DNAH5: variants seen among roughly 807,000 people sequenced by gnomAD.
DNAH5 encodes dynein axonemal heavy chain 5.
DNAH5 carries 372 observed loss-of-function variants against 518.2 expected under a neutral mutation model. The observed-to-expected ratio is 0.72, with a 90% CI of 0.66 to 0.78. DNAH5 has a LOEUF of 0.78. Ranked by LOEUF, DNAH5 falls within the 30% of genes least tolerant of loss-of-function variation. The pLI, the probability that DNAH5 is intolerant of heterozygous loss-of-function variation, is 0.00. For synonymous variants in DNAH5, 2,039 were observed against 2,025.9 expected (o/e 1.01, Z -0.17); for missense variants, 5,523 against 5,687.0 (o/e 0.97, Z 0.93).
chr5:13,884,940 C>G (rs1561503305), intron 19 of DNAH5, 49 bp downstream of exon 19: 2 of 1,612,952 alleles, frequency 1.2e-6, no homozygotes, highest in Non-Finnish European at 8.5e-7. Context: ...ACACATACCC[C>G]AGCAACTATG....
rs868745747 is a variant in DNAH5 at position 13,753,529 on chromosome 5, C to T, written c.10576G>A (p.Ala3526Thr). Residue 3526 changes from alanine (A) to threonine (T), a missense_variant, in exon 63 of 79, where the codon GCT (alanine) becomes ACT (threonine). Around this residue, in one of 3 missense-constraint regions of DNAH5, gnomAD observed 5,121 missense variants for 5,223.3 expected, o/e 0.98. Transcript: ENST00000265104. ...AATGGACCAGAATAAGATAGAAAAG[C>T]TGTAGCCAACAGTACATCCCCTAAA... ...RLVGDVLLATAFLSYSGPFNQ... is the reference protein window; with the variant it reads ...RLVGDVLLATTFLSYSGPFNQ... 1 of 1,613,788 alleles carries T rather than the reference C, an allele frequency of 6.2e-7. No individual in the cohort carries two copies. Among genetic ancestry groups the T allele is most frequent in the African/African-American group, 1.3e-5 (1 of 75,004 alleles).
intron 1 of DNAH5, among the ~76,000 whole-genome samples, chr5:13,998,530 A>C (rs1285126270): frequency 6.6e-6 from 1 of 152,240 alleles, no homozygotes; most frequent in African/African-American, 2.4e-5. Flanking sequence ...TCTGAAAGCC[A>C]AGCTTCAATA....
chr5:13,871,877 G>C (rs1770159438), intron 22 of DNAH5, 112 bp from the exon 23 acceptor site: 1 of 937,432 alleles, frequency 1.1e-6, no homozygotes, highest in African/African-American at 1.6e-5. Context: ...AAAATGTTTA[G>C]TGAACTGTGT....
At position 13,778,492 on chromosome 5, in the gene DNAH5, AAGGAAGGGAGGG is replaced by A. The variant is rs1481347041; in HGVS notation, c.8952-1149_8952-1138del. 7.0e-4 allele frequency among the ~76,000 whole-genome samples: 41 copies of A among 58,914 alleles called. 3 individuals are homozygous for A. The highest frequency in any genetic ancestry group is 2.1e-3 in the African/African-American group (40 of 19,504). The allele number at this position is 58,914 out of a possible 152,430, so 38.6% of individuals were successfully genotyped here. On this transcript the variant is annotated intron_variant, in intron 53 of 78. Transcript: ENST00000265104. ...GAAGGAAGGAAAGAAGGAAGGAAGG[AAGGAAGGGAGGG>A]AGGGAGGGAGGGGAGAGAAAGTGAG...
intron 30 of DNAH5, among the ~76,000 whole-genome samples, chr5:13,851,281 G>T (rs1404358208): frequency 6.6e-6 from 1 of 152,128 alleles, no homozygotes; most frequent in Non-Finnish European, 1.5e-5. Context: ...AAAATGCACA[G>T]ATTATCTTGA....
rs1742976140 is a variant in DNAH5, at chr5:13,707,672, G to A, written c.13338+451C>T. On this transcript the variant is annotated intron_variant, in intron 76 of 78. Transcript: ENST00000265104. This position sits in a 1 kb window ranked among gnomAD's most constrained non-coding sequence, Gnocchi z 4.0. ...GGAACTCCTCCGATTTCGACAGCAT[G>A]TAGCAGAAACTTTATTTTTTTTTTC... Among the ~76,000 whole-genome samples the A allele has an allele frequency of 6.6e-6, 1 of 151,830 alleles. No individual in the cohort carries two copies. The highest frequency in any genetic ancestry group is 2.1e-4 in the South Asian group (1 of 4,814).
intron 30 of DNAH5, among the ~76,000 whole-genome samples, chr5:13,851,910 G>A (rs1053033064): frequency 6.6e-6 from 1 of 151,968 alleles, no homozygotes; most frequent in African/African-American, 2.4e-5. Context: ...GACAGTGGGT[G>A]CAGCCCACGG....
At chr5:13,870,393 T>C (rs1318766342) in intron 24 of DNAH5, among the ~76,000 whole-genome samples, 2 of 152,086 alleles carry the variant, frequency 1.3e-5, no homozygotes, top group Non-Finnish European at 2.9e-5. Flanking sequence ...GGTAGTCTCC[T>C]TTGCATGAAG....
chr5:13,974,181 G>A (rs1274731088), intron 1 of DNAH5, among the ~76,000 whole-genome samples: 4 of 148,420 alleles, frequency 2.7e-5, no homozygotes. Flanking sequence ...TGTCACCAAG[G>A]TTGGAGTGCA....
intron 46 of DNAH5, 27 bp from the exon 47 acceptor site, chr5:13,807,752 A>G: frequency 1.3e-6 from 2 of 1,584,086 alleles, no homozygotes; most frequent in Non-Finnish European, 1.7e-6. Context: ...TGAAAAAAAA[A>G]GAAATGAAAT....
chr5:13,829,916 G>T, intron 37 of DNAH5, 110 bp downstream of exon 37: 1 of 488,918 alleles, frequency 2.0e-6, no homozygotes, highest in Non-Finnish European at 2.9e-6. Flanking sequence ...AGGAGGTAAA[G>T]TTACAATCCC....
Position 13,811,802 on chromosome 5 carries a change from G to A in DNAH5, c.7252C>T (p.Pro2418Ser). The A allele has an allele frequency of 6.2e-7, 1 of 1,614,136 alleles. No homozygotes were observed. The highest frequency in any genetic ancestry group is 8.5e-7 in the Non-Finnish European group (1 of 1,180,000). The change falls in exon 44 of 79, where the codon CCT becomes TCT. Residue 2418 changes from proline (P) to serine (S), a missense_variant. Around this residue, in one of 3 missense-constraint regions of DNAH5, gnomAD observed 5,121 missense variants for 5,223.3 expected, o/e 0.98. Coordinates refer to ENST00000265104, the MANE Select transcript of DNAH5 (RefSeq NM_001369.3). Reference sequence around the variant, plus strand: ...TGACGAAGAATTTCTGCTTCTTGAGGTGAGCGTTTCTTAAGAAAACCCTGT... The same window carrying A: ...TGACGAAGAATTTCTGCTTCTTGAGATGAGCGTTTCTTAAGAAAACCCTGT... ...ILEGFLKKRS[P>S]QEAEILRQLY... is the part of the protein sequence containing the mutation.
In DNAH5 at chr5:13,922,407, T is replaced by C. The variant is rs1007657994; in HGVS notation, c.439-79A>G. Reference sequence around the variant, plus strand: ...CAACTACTAAGTCATTTCTTAAATGTTGTCACTTTACCAAATACCCAGTAA... The same window carrying C: ...CAACTACTAAGTCATTTCTTAAATGCTGTCACTTTACCAAATACCCAGTAA... On this transcript the variant is annotated intron_variant, in intron 4 of 78. Transcript: ENST00000265104. The C allele has an allele frequency of 1.2e-5, 17 of 1,368,812 alleles. No homozygotes were observed. The East Asian group carries it at 3.7e-4, about 30-fold the overall frequency. 84.8% of individuals were successfully genotyped at this position (1,368,812 alleles called of 1,614,324 possible). A position where few individuals can be genotyped will look rare whatever the true frequency, so the allele number is the denominator to read the frequency against.
intron 53 of DNAH5, among the ~76,000 whole-genome samples, chr5:13,780,603 A>T (rs1754951456): frequency 1.3e-5 from 2 of 152,230 alleles, no homozygotes; most frequent in Admixed American, 1.3e-4. Context: ...AAAAGTAGGG[A>T]GGTGGCTACT....
Position 13,928,155 on chromosome 5 carries a change from A to G in DNAH5, c.216T>C (p.Phe72=). Residue 72 remains phenylalanine (F), a synonymous_variant, in exon 3 of 79, where the codon TTT becomes TTC. Transcript: ENST00000265104. ...TGAGGTGTCGGAGACCTCCAACAGC[A>G]AAAAGTTGATCAATTCTTTCAATCT... ...GNQIERIDQL[F]AVGGLRHLMF... is the part of the protein sequence containing the mutation. The G allele has an allele frequency of 4.3e-6, 7 of 1,613,830 alleles. No individual in the cohort carries two copies. Among genetic ancestry groups the G allele is most frequent in the Non-Finnish European group, 5.9e-6 (7 of 1,179,742 alleles).
At chr5:13,945,382 G>C (rs1581005757), upstream of DNAH5, among the ~76,000 whole-genome samples, 1 of 152,292 alleles carries the variant, frequency 6.6e-6, no homozygotes, top group South Asian at 2.1e-4. Flanking sequence ...TCAGGAAATT[G>C]GGAACTCATC....
At chr5:13,799,341 G>C (rs1376704927) in intron 47 of DNAH5, among the ~76,000 whole-genome samples, 2 of 151,914 alleles carry the variant, frequency 1.3e-5, no homozygotes, top group Non-Finnish European at 2.9e-5. Context: ...ACACTTTTTG[G>C]CACATGAAGA....
intron 5 of DNAH5, among the ~76,000 whole-genome samples, chr5:13,921,893 T>C (rs1777342602): frequency 6.6e-6 from 1 of 152,194 alleles, no homozygotes; most frequent in African/African-American, 2.4e-5. Flanking sequence ...CCAACGTTTT[T>C]ATGGAACCCC....
At chr5:13,956,521 T>G (rs1780772673) in intron 1 of DNAH5, among the ~76,000 whole-genome samples, 1 of 152,250 alleles carries the variant, frequency 6.6e-6, no homozygotes, top group African/African-American at 2.4e-5. Flanking sequence ...GTTAACTTGT[T>G]GCTATAGATA....
Sources: gnomAD v4.1 joint callset for allele counts (sites outside exome capture counted in the v4.1 genomes callset) on GRCh38, gnomAD v4.1.1 for gene constraint, gnomAD v4.1.1 regional missense constraint, Gnocchi (gnomAD v3.1) non-coding constraint, MANE v1.5 for transcripts, NCBI Gene and HGNC (gene_info 2026-07-23, HGNC 2026-07-21) for gene names.